PRDM15: variants seen among roughly 807,000 people sequenced by gnomAD.
The protein encoded by PRDM15 is PR/SET domain 15.
In PRDM15, 64 loss-of-function variants were observed where a neutral mutation model predicts 128.6. The ratio of observed to expected loss-of-function variants is 0.50; its 90% CI spans 0.41 to 0.61. PRDM15 has a LOEUF of 0.61. Among genes scored for constraint, PRDM15 ranks in the 20% least tolerant of loss-of-function variants. PRDM15 has a pLI of 0.00. For synonymous variants in PRDM15, 615 were observed against 621.8 expected, an observed-to-expected ratio of 0.99 and a Z score of 0.16; for missense variants, 1,242 against 1,569.1, an observed-to-expected ratio of 0.79 and a Z score of 3.52.
At chr21:41,853,427 C>G (rs759662169) in intron 5 of PRDM15, among the ~76,000 whole-genome samples, 6 of 152,182 alleles carry the variant, frequency 3.9e-5, no homozygotes, top group South Asian at 4.1e-4. Context: ...TATTTCGCCC[C>G]CTTGAGCAAA....
In PRDM15 at chr21:41,839,962, C is replaced by A. The variant is rs2063023478; in HGVS notation, c.641-109G>T. 4 of 843,742 alleles carry A rather than the reference C, an allele frequency of 4.7e-6. No homozygotes were observed. The East Asian group carries it at 9.8e-5, about 21-fold the overall frequency. The allele number at this position is 843,742 out of a possible 1,614,324, so 52.3% of individuals were successfully genotyped here. ...GTGTGTTTTCAATCTTGTTTGCCAA[C>A]CTTTGTATAGGCAAGTGAACTTTAT... is the stretch of plus-strand genomic sequence containing the variant. On this transcript the variant is annotated intron_variant, in intron 6 of 23. Coordinates refer to ENST00000398548, the MANE Select transcript of PRDM15 (RefSeq NM_001040424.3).
rs2062574596 is a variant in PRDM15 at position 41,828,959 on chromosome 21, CCA to C, written c.1367-628_1367-627del. ...CCACACAAATACACAATCACACACA[CCA>C]CATACACACACCACGCACACATGCC... is the stretch of plus-strand genomic sequence containing the variant. On this transcript the variant is annotated intron_variant, in intron 11 of 23. Transcript: ENST00000398548. The surrounding 1 kb of genome is among the most constrained non-coding windows in gnomAD (Gnocchi z 5.7). Among the ~76,000 whole-genome samples the C allele has an allele frequency of 7.0e-6, 1 of 142,352 alleles. No homozygotes were observed. Among genetic ancestry groups the C allele is most frequent in the Non-Finnish European group, 1.5e-5 (1 of 66,662 alleles). The allele number at this position is 142,352 out of a possible 152,430, so 93.4% of individuals were successfully genotyped here. A position where few individuals can be genotyped will look rare whatever the true frequency, so the allele number is the denominator to read the frequency against.
chr21:41,854,718 T>C lies in PRDM15; in HGVS notation c.386A>G (p.Gln129Arg). 1.2e-6 allele frequency: 2 copies of C among 1,613,382 alleles called. No individual in the cohort carries two copies. Among genetic ancestry groups the C allele is most frequent in the South Asian group, 1.1e-5 (1 of 91,086 alleles). ...GCCGTGCTGGTAGGCCGTCAGGTTC[T>C]GGTGCTCGGCCTCCGCCGCTGGCCG... ...LVRPAAEAEH[Q>R]NLTAYQHGSD... Residue 129 changes from glutamine (Q) to arginine (R), a missense_variant, in exon 5 of 24, where the codon CAG (glutamine) becomes CGG (arginine). This residue lies in a region of PRDM15 where 612 missense variants were observed against 717.0 expected (regional missense o/e 0.85). Transcript: ENST00000398548. The surrounding 1 kb of genome is among the most constrained non-coding windows in gnomAD (Gnocchi z 4.6).
chr21:41,805,601 C>T (rs1377180419), intron 21 of PRDM15, among the ~76,000 whole-genome samples: 1 of 152,096 alleles, frequency 6.6e-6, no homozygotes, highest in Non-Finnish European at 1.5e-5. Flanking sequence ...TTGAAGACTC[C>T]AGTGTAACTC....
chr21:41,830,656 T>C (rs1223860610), intron 11 of PRDM15, among the ~76,000 whole-genome samples: 1 of 149,754 alleles, frequency 6.7e-6, no homozygotes, highest in Non-Finnish European at 1.5e-5. Flanking sequence ...ACCACACAAA[T>C]ACTAAACACA....
At chr21:41,878,870 GCCCA>G in intron 1 of PRDM15, 2 of 956,552 alleles carry the variant, frequency 2.1e-6, no homozygotes, top group Non-Finnish European at 2.5e-6. Flanking sequence ...CCTGCGCCGC[GCCCA>G]CGGGCGAGCG....
intron 19 of PRDM15, among the ~76,000 whole-genome samples, 165 bp downstream of exon 19, chr21:41,815,540 T>G (rs964002203): frequency 6.6e-6 from 1 of 152,190 alleles, no homozygotes; most frequent in African/African-American, 2.4e-5. Context: ...TTTTGAGATA[T>G]GCAGCTGCTC....
chr21:41,821,109 A>G lies in PRDM15; in HGVS notation c.2018T>C (p.Met673Thr). 1 of 1,614,200 alleles carries G rather than the reference A, an allele frequency of 6.2e-7. No individual in the cohort carries two copies. Among genetic ancestry groups the G allele is most frequent in the Non-Finnish European group, 8.5e-7 (1 of 1,180,012 alleles). Reference protein sequence around the residue: ...FALKATYHAHMVIHRENLPDP... With the variant: ...FALKATYHAHTVIHRENLPDP... ...CGGCAGGTTTTCACGGTGGATGACC[A>G]TGTGGGCGTGGTAGGTGGCCTTCAG... The change falls in exon 16 of 24, where the codon ATG (methionine) becomes ACG (threonine). Residue 673 changes from methionine to threonine, a missense_variant. Around this residue, in one of 3 missense-constraint regions of PRDM15, gnomAD observed 602 missense variants for 788.3 expected, o/e 0.76. Coordinates refer to ENST00000398548, the MANE Select transcript of PRDM15 (RefSeq NM_001040424.3). The surrounding 1 kb of genome is among the most constrained non-coding windows in gnomAD (Gnocchi z 5.4).
rs1464008349 is a variant in PRDM15 at position 41,862,553 on chromosome 21, C to T, written c.-9-2181G>A. ...AGCAGGGTTTTAGCCCCCTGTGCTG[C>T]ACTCTGATTCTATGTAAATGTCCGA... On this transcript the variant is annotated intron_variant, in intron 1 of 23. Transcript: ENST00000398548. This position sits in a 1 kb window ranked among gnomAD's most constrained non-coding sequence, Gnocchi z 4.1. Among the ~76,000 whole-genome samples the T allele has an allele frequency of 2.0e-5, 3 of 152,158 alleles. No homozygotes were observed. Among genetic ancestry groups the T allele is most frequent in the African/African-American group, 7.2e-5 (3 of 41,426 alleles).
At chr21:41,878,351 GT>G (rs775833094) in intron 1 of PRDM15, among the ~76,000 whole-genome samples, 5 of 152,286 alleles carry the variant, frequency 3.3e-5, no homozygotes, top group Non-Finnish European at 2.9e-5. Context: ...CTGAGCATTT[GT>G]GGGGGAAAAA....
chr21:41,861,720 T>C (rs750801270), intron 1 of PRDM15: 2 of 1,614,110 alleles, frequency 1.2e-6, no homozygotes, highest in African/African-American at 1.3e-5. Flanking sequence ...GCAAAACTCA[T>C]ATGGAAACTC....
intron 5 of PRDM15, among the ~76,000 whole-genome samples, chr21:41,849,512 G>A (rs2063363570): frequency 6.6e-6 from 1 of 151,672 alleles, no homozygotes; most frequent in African/African-American, 2.4e-5. Context: ...AGGTTGCAGT[G>A]AGCCAAGATC....
chr21:41,854,917 A>G lies in PRDM15; in HGVS notation c.286-99T>C. On this transcript the variant is annotated intron_variant, in intron 4 of 23. Transcript: ENST00000398548. The surrounding 1 kb of genome is among the most constrained non-coding windows in gnomAD (Gnocchi z 4.6). ...CAGGTGCTGAGGAACCCATCTAGAC[A>G]GTGCCACGTCAGAGGCCATAAGGGC... The G allele has an allele frequency of 2.9e-6, 4 of 1,373,112 alleles. No individual in the cohort carries two copies. The highest frequency in any genetic ancestry group is 3.9e-6 in the Non-Finnish European group (4 of 1,017,532). The allele number at this position is 1,373,112 out of a possible 1,614,324, so 85.1% of individuals were successfully genotyped here.
At chr21:41,803,738 C>T (rs74657784) in intron 22 of PRDM15, among the ~76,000 whole-genome samples, 3,903 of 152,216 alleles carry the variant, frequency 0.026, 181 homozygotes, top group African/African-American at 0.088. Flanking sequence ...GTCACTCAGC[C>T]GGACCCAGTG....
chr21:41,864,721 C>T (rs1317760438), intron 1 of PRDM15, among the ~76,000 whole-genome samples: 1 of 152,132 alleles, frequency 6.6e-6, no homozygotes, highest in Non-Finnish European at 1.5e-5. Context: ...CCTGGGCCGC[C>T]AACCCATTTT....
At chr21:41,803,010 C>A (rs374732914) in intron 22 of PRDM15, 89 bp from the exon 23 acceptor site, 1 of 999,408 alleles carries the variant, frequency 1.0e-6, no homozygotes, top group Admixed American at 1.7e-5. Flanking sequence ...CCTGGACACA[C>A]TCTCCAATCA....
intron 17 of PRDM15, 179 bp from the exon 18 acceptor site, chr21:41,819,880 A>G: frequency 1.2e-6 from 1 of 829,392 alleles, no homozygotes. Context: ...TGACTCCAGT[A>G]GATCCCTGAG....
At chr21:41,861,372 C>A (rs949631045) in intron 1 of PRDM15, among the ~76,000 whole-genome samples, 2 of 152,166 alleles carry the variant, frequency 1.3e-5, no homozygotes, top group African/African-American at 2.4e-5. Flanking sequence ...CTGACACCCC[C>A]CACACACATA....
chr21:41,876,929 G>C (rs144165096), intron 1 of PRDM15, among the ~76,000 whole-genome samples: 1 of 152,290 alleles, frequency 6.6e-6, no homozygotes, highest in African/African-American at 2.4e-5. Context: ...AAAAGATGCA[G>C]ACTCTGCCCC....
Sources: gnomAD v4.1 joint callset for allele counts (sites outside exome capture counted in the v4.1 genomes callset) on GRCh38, gnomAD v4.1.1 for gene constraint, gnomAD v4.1.1 regional missense constraint, Gnocchi (gnomAD v3.1) non-coding constraint, MANE v1.5 for transcripts, NCBI Gene and HGNC (gene_info 2026-07-23, HGNC 2026-07-21) for gene names.